The following FOXP2 variants were observed in gnomAD, a reference collection of about 807,000 sequenced individuals.
FOXP2 encodes forkhead box protein P2.
In FOXP2, 12 loss-of-function variants were observed where a neutral mutation model predicts 115.8. That is an observed-to-expected ratio of 0.10 (90% CI 0.07 to 0.17). FOXP2 has a LOEUF of 0.17. FOXP2 is among the 10% of genes least tolerant of loss of function. The probability of loss-of-function intolerance (pLI) is 1.00; values close to 1 mark genes in which losing one functional copy is unlikely to be tolerated. For missense variants in FOXP2, 629 were observed against 843.5 expected (o/e 0.75, Z 3.15); for synonymous variants, 328 against 297.7 (o/e 1.10, Z -1.05).
intron 10 of FOXP2, among the ~76,000 whole-genome samples, chr7:114,656,778 T>C (rs1806615041): frequency 6.6e-6 from 1 of 152,150 alleles, no homozygotes; most frequent in Non-Finnish European, 1.5e-5. Flanking sequence ...CTGGCATATG[T>C]TAATTTTTGT....
chr7:114,422,543 C>T (rs1474870186), intron 1 of FOXP2, among the ~76,000 whole-genome samples: 1 of 151,584 alleles, frequency 6.6e-6, no homozygotes, highest in Non-Finnish European at 1.5e-5. Context: ...TATAGATACA[C>T]ATATTCATGT....
chr7:114,634,239 G>T (rs1443528016), intron 6 of FOXP2, among the ~76,000 whole-genome samples: 1 of 151,960 alleles, frequency 6.6e-6, no homozygotes, highest in Non-Finnish European at 1.5e-5. Flanking sequence ...CAAGTGATCC[G>T]CCTGCCTCGG....
chr7:114,509,645 G>GTTTGT (rs1296803665), intron 2 of FOXP2, among the ~76,000 whole-genome samples: 1 of 137,514 alleles, frequency 7.3e-6, no homozygotes, highest in African/African-American at 2.8e-5. Flanking sequence ...AAGGGTACTT[G>GTTTGT]TTTGTTTTGT....
At chr7:114,243,534 T>C (rs1795204681) in intron 1 of FOXP2, among the ~76,000 whole-genome samples, 1 of 152,182 alleles carries the variant, frequency 6.6e-6, no homozygotes, top group African/African-American at 2.4e-5. Context: ...CACTACATTT[T>C]TGAACCAATT....
intron 2 of FOXP2, among the ~76,000 whole-genome samples, chr7:114,497,654 AAAAT>A (rs912238369): frequency 1.5e-5 from 2 of 137,564 alleles, no homozygotes; most frequent in African/African-American, 5.5e-5. Context: ...CTCCATCTAA[AAAAT>A]AAATAAGTAA....
At chr7:114,378,674 AC>A (rs1236793442) in intron 2 of FOXP2, among the ~76,000 whole-genome samples, 1 of 146,564 alleles carries the variant, frequency 6.8e-6, no homozygotes, top group African/African-American at 2.5e-5. Flanking sequence ...ACAATGTAAG[AC>A]CCTGTCTCCA....
chr7:114,418,246 C>G (rs898241305), intron 1 of FOXP2, among the ~76,000 whole-genome samples: 2 of 151,890 alleles, frequency 1.3e-5, no homozygotes, highest in Non-Finnish European at 2.9e-5. Context: ...TCTGTGTTGT[C>G]AAGTGTAATC....
At chr7:114,588,095 G>C (rs375352165) in intron 3 of FOXP2, among the ~76,000 whole-genome samples, 2 of 151,690 alleles carry the variant, frequency 1.3e-5, no homozygotes, top group Non-Finnish European at 2.9e-5. Flanking sequence ...GGATCACGAG[G>C]TCAGGAGATC....
At chr7:114,341,842 A>G (rs1791224963) in intron 2 of FOXP2, among the ~76,000 whole-genome samples, 1 of 151,368 alleles carries the variant, frequency 6.6e-6, no homozygotes, top group Admixed American at 6.6e-5. Context: ...ATGACATTTT[A>G]TAGTCTGCTC....
chr7:114,434,816 T>A (rs995630858), intron 2 of FOXP2, among the ~76,000 whole-genome samples: 11 of 152,166 alleles, frequency 7.2e-5, no homozygotes, highest in African/African-American at 2.7e-4. Context: ...TTTTCTGATG[T>A]ATGTGCATAA....
At chr7:114,636,966 G>A (rs1805255329) in intron 6 of FOXP2, among the ~76,000 whole-genome samples, 1 of 152,082 alleles carries the variant, frequency 6.6e-6, no homozygotes, top group African/African-American at 2.4e-5. Flanking sequence ...TTCAGCCCAG[G>A]CGTTCAAGAC....
At chr7:114,365,060 G>A (rs1357532295) in intron 2 of FOXP2, among the ~76,000 whole-genome samples, 1 of 152,146 alleles carries the variant, frequency 6.6e-6, no homozygotes, top group Non-Finnish European at 1.5e-5. Context: ...GCTGTATCAT[G>A]TAATTAATAT....
intron 3 of FOXP2, among the ~76,000 whole-genome samples, chr7:114,606,346 G>A (rs951508011): frequency 2.0e-5 from 3 of 152,028 alleles, no homozygotes; most frequent in African/African-American, 2.4e-5. Flanking sequence ...TTCAAGGGCC[G>A]GTAGATAAGT....
At chr7:114,301,196 C>T (rs989836314) in intron 2 of FOXP2, among the ~76,000 whole-genome samples, 4 of 151,802 alleles carry the variant, frequency 2.6e-5, no homozygotes, top group Non-Finnish European at 2.9e-5. Flanking sequence ...TTTTTCAAAA[C>T]GCTGAAAACC....
At chr7:114,352,026 G>T (rs1451163188) in intron 2 of FOXP2, among the ~76,000 whole-genome samples, 1 of 152,028 alleles carries the variant, frequency 6.6e-6, no homozygotes, top group Non-Finnish European at 1.5e-5. Flanking sequence ...CCAGCACTTT[G>T]GGAGGCCGAG....
intron 2 of FOXP2, among the ~76,000 whole-genome samples, chr7:114,495,452 CT>C (rs1037005715): frequency 3.8e-4 from 28 of 73,614 alleles, no homozygotes; most frequent in Middle Eastern, 9.6e-3. Flanking sequence ...TTTTTATTTT[CT>C]TTTTTTCTTT....
At chr7:114,102,696 C>CCACATACACACACACACACA (rs1554414686) in intron 1 of FOXP2, among the ~76,000 whole-genome samples, 1 of 136,388 alleles carries the variant, frequency 7.3e-6, no homozygotes, top group Non-Finnish European at 1.6e-5. Flanking sequence ...ACACCACACA[C>CCACATACACACACACACACA]CACACACACA....
intron 15 of FOXP2, 97 bp downstream of exon 15, chr7:114,663,616 T>A: frequency 2.1e-6 from 2 of 944,892 alleles, no homozygotes; most frequent in Non-Finnish European, 3.4e-6. Flanking sequence ...TGATTGTTCT[T>A]AATAGTTGGT....
chr7:114,311,449 G>C (rs1174745963), intron 2 of FOXP2, among the ~76,000 whole-genome samples: 3 of 152,192 alleles, frequency 2.0e-5, no homozygotes, highest in Non-Finnish European at 4.4e-5. Flanking sequence ...GTCCAAGAGA[G>C]ACAGGGGCAG....
Sources: allele counts gnomAD v4.1 joint callset (sites outside exome capture counted in the v4.1 genomes callset), GRCh38; gene constraint gnomAD v4.1.1; transcripts MANE v1.5; gene names NCBI Gene and HGNC (gene_info 2026-07-23, HGNC 2026-07-21).